The following PTPRN2 variants were observed in gnomAD, a reference collection of about 807,000 sequenced individuals.
PTPRN2 encodes the protein protein tyrosine phosphatase receptor type N2, also known as receptor-type tyrosine-protein phosphatase N2.
In PTPRN2, 74 loss-of-function variants were observed where a neutral mutation model predicts 118.8. The ratio of observed to expected loss-of-function variants is 0.62; its 90% CI spans 0.52 to 0.76. The LOEUF (loss-of-function observed/expected upper bound fraction) is 0.76. PTPRN2 is among the 30% of genes least tolerant of loss of function. The pLI is 0.00. For synonymous variants in PTPRN2, 641 were observed against 608.0 expected (o/e 1.05, Z -0.80); for missense variants, 1,481 against 1,394.4 (o/e 1.06, Z -0.99).
At chr7:158,511,701 C>A (rs142500626) in intron 1 of PTPRN2, among the ~76,000 whole-genome samples, 241 of 152,306 alleles carry the variant, frequency 1.6e-3, no homozygotes, top group African/African-American at 5.7e-3. Context: ...CCCCTGGGCA[C>A]CAGTGCAAGA....
intron 3 of PTPRN2, among the ~76,000 whole-genome samples, chr7:158,215,924 T>C (rs528407423): frequency 3.0e-4 from 46 of 152,178 alleles, no homozygotes; most frequent in Non-Finnish European, 6.0e-4. Context: ...TTTTGGAGCA[T>C]CAGGAAGAAT....
intron 11 of PTPRN2, among the ~76,000 whole-genome samples, chr7:157,937,753 G>A (rs986744678): frequency 2.0e-5 from 3 of 152,226 alleles, no homozygotes; most frequent in African/African-American, 7.2e-5. Context: ...AGAAAAGGAT[G>A]AATGGATTCA....
At chr7:158,042,418 T>C (rs1242115244) in intron 11 of PTPRN2, among the ~76,000 whole-genome samples, 2 of 152,114 alleles carry the variant, frequency 1.3e-5, no homozygotes, top group East Asian at 3.9e-4. Flanking sequence ...AGACACAGGG[T>C]AGGATCCACG....
At chr7:158,058,271 G>A (rs13311715) in intron 11 of PTPRN2, among the ~76,000 whole-genome samples, 24,073 of 72,030 alleles carry the variant, frequency 0.33, 2,885 homozygotes, top group Middle Eastern at 0.48. Context: ...CTGCAGCCAC[G>A]CCCCATCTGC....
intron 2 of PTPRN2, among the ~76,000 whole-genome samples, chr7:158,337,489 T>C (rs62480872): frequency 0.087 from 7,810 of 89,610 alleles, no homozygotes; most frequent in South Asian, 0.14. Context: ...AGGTGACACC[T>C]GCAGACGTCA....
At chr7:158,177,520 G>A (rs934083135) in intron 5 of PTPRN2, among the ~76,000 whole-genome samples, 2 of 152,162 alleles carry the variant, frequency 1.3e-5, no homozygotes, top group Non-Finnish European at 2.9e-5. Flanking sequence ...ACATTCCGGT[G>A]CCCCTGGAGA....
intron 2 of PTPRN2, among the ~76,000 whole-genome samples, chr7:158,376,660 C>A (rs1196946890): frequency 6.9e-5 from 5 of 72,590 alleles, no homozygotes; most frequent in African/African-American, 2.4e-4. Context: ...GTCCTGCATG[C>A]GGGGTCAGGG....
At chr7:158,209,775 A>G (rs1827445404) in intron 3 of PTPRN2, among the ~76,000 whole-genome samples, 1 of 152,246 alleles carries the variant, frequency 6.6e-6, no homozygotes, top group Non-Finnish European at 1.5e-5. Context: ...ATAATTCTCA[A>G]GAATAGCCCA....
At chr7:158,004,172 AAAG>A (rs55845932) in intron 11 of PTPRN2, among the ~76,000 whole-genome samples, 116,943 of 151,704 alleles carry the variant, frequency 0.77, 45,189 homozygotes, top group East Asian at 0.87. Flanking sequence ...TTATCACCAA[AAAG>A]AAGACTTCAC....
chr7:158,298,245 TTTC>T (rs146504350), intron 3 of PTPRN2, among the ~76,000 whole-genome samples: 2,079 of 152,332 alleles, frequency 0.014, 46 homozygotes, highest in African/African-American at 0.047. Flanking sequence ...TCTTCATTAT[TTTC>T]TTCTTTTTAA....
intron 12 of PTPRN2, among the ~76,000 whole-genome samples, chr7:157,742,176 A>C (rs1800671254): frequency 6.6e-6 from 1 of 152,256 alleles, no homozygotes; most frequent in Non-Finnish European, 1.5e-5. Context: ...TGATTTGAGC[A>C]TCAAAAGGGC....
chr7:158,177,379 C>T (rs1029773461), intron 5 of PTPRN2, among the ~76,000 whole-genome samples: 2 of 152,126 alleles, frequency 1.3e-5, no homozygotes, highest in East Asian at 1.9e-4. Flanking sequence ...ATGAAGTATC[C>T]GTTCAAAGTT....
intron 2 of PTPRN2, among the ~76,000 whole-genome samples, chr7:158,400,572 A>G (rs1477375424): frequency 6.6e-6 from 1 of 152,158 alleles, no homozygotes; most frequent in African/African-American, 2.4e-5. Context: ...ACATCTAACA[A>G]GAACACAAGA....
At chr7:158,307,146 C>A (rs1801366534) in intron 3 of PTPRN2, among the ~76,000 whole-genome samples, 1 of 152,124 alleles carries the variant, frequency 6.6e-6, no homozygotes, top group African/African-American at 2.4e-5. Context: ...GGATTATAGG[C>A]ATGAGCCACT....
At chr7:158,287,574 AC>A (rs1799847985) in intron 3 of PTPRN2, among the ~76,000 whole-genome samples, 1 of 151,868 alleles carries the variant, frequency 6.6e-6, no homozygotes, top group Admixed American at 6.6e-5. Context: ...TTCTTCTTTG[AC>A]ATATTGGTGG....
At chr7:158,117,475 G>GA (rs983143204) in intron 9 of PTPRN2, among the ~76,000 whole-genome samples, 13 of 151,180 alleles carry the variant, frequency 8.6e-5, no homozygotes, top group East Asian at 1.9e-4. Flanking sequence ...GTGCCCAAAA[G>GA]AAAAAAAAGA....
At chr7:157,717,771 G>A (rs570202715) in intron 12 of PTPRN2, among the ~76,000 whole-genome samples, 5 of 152,382 alleles carry the variant, frequency 3.3e-5, no homozygotes, top group South Asian at 2.1e-4. Context: ...CAGCACCTGC[G>A]CCCCATCCCT....
chr7:157,892,361 A>C (rs1035718147), intron 12 of PTPRN2, among the ~76,000 whole-genome samples: 5 of 152,218 alleles, frequency 3.3e-5, no homozygotes, highest in Admixed American at 6.5e-5. Context: ...TGGCTTTATT[A>C]ATTTGAATAA....
chr7:158,387,160 T>C (rs1005841811), intron 2 of PTPRN2, among the ~76,000 whole-genome samples: 3 of 152,218 alleles, frequency 2.0e-5, no homozygotes, highest in African/African-American at 7.2e-5. Context: ...CTGCCCTAAG[T>C]GGCCTCAGCT....
Sources: allele counts gnomAD v4.1 joint callset (sites outside exome capture counted in the v4.1 genomes callset), GRCh38; gene constraint gnomAD v4.1.1; transcripts MANE v1.5; gene names NCBI Gene and HGNC (gene_info 2026-07-23, HGNC 2026-07-21).